Variants in NCAM2 observed in about 807,000 individuals in gnomAD.
The protein encoded by NCAM2 is neural cell adhesion molecule 2, also known as N-CAM-2.
A neutral mutation model predicts 98.1 loss-of-function variants in NCAM2; 30 were observed. That is an observed-to-expected ratio of 0.31 (90% confidence interval 0.23 to 0.41). NCAM2 has a LOEUF of 0.41. NCAM2 is among the 10% of genes least tolerant of loss of function. NCAM2 has a pLI of 1.00. For synonymous variants in NCAM2, 368 were observed against 342.4 expected, an observed-to-expected ratio of 1.07 and a Z score of -0.83; for missense variants, 867 against 1,005.8, an observed-to-expected ratio of 0.86 and a Z score of 1.87.
At chr21:21,147,323 G>C (rs1308723383) in intron 1 of NCAM2, 2 of 971,764 alleles carry the variant, frequency 2.1e-6, no homozygotes, top group Admixed American at 6.2e-5. Flanking sequence ...TTTATTTGTT[G>C]AATGTTGAAA....
chr21:21,353,421 A>T (rs1344455793), intron 8 of NCAM2, among the ~76,000 whole-genome samples: 1 of 152,152 alleles, frequency 6.6e-6, no homozygotes, highest in Non-Finnish European at 1.5e-5. Context: ...GTGACTGTAT[A>T]TCTTATTCCT....
intron 1 of NCAM2, among the ~76,000 whole-genome samples, chr21:21,213,767 T>C (rs1256497415): frequency 6.6e-6 from 1 of 152,116 alleles, no homozygotes; most frequent in African/African-American, 2.4e-5. Flanking sequence ...AAATAACAAA[T>C]TATACTCCAA....
rs926892787 is a variant in NCAM2 at position 21,175,321 on chromosome 21, A to G, written c.56-105257A>G. On this transcript the variant is annotated intron_variant, in intron 1 of 17. Transcript: ENST00000400546. The stretch of plus-strand genomic sequence containing the variant: ...AGGCCGAGCCAGGAAGATCATGAGG[A>G]CAAGAGATCGAGACCATCCTGGCCA... Among the ~76,000 whole-genome samples, 11 of 151,906 alleles carry G rather than the reference A, an allele frequency of 7.2e-5. No homozygotes were observed. The East Asian group carries it at 2.1e-3, about 30-fold the overall frequency.
chr21:21,055,171 A>C (rs1364059679), intron 1 of NCAM2, among the ~76,000 whole-genome samples: 2 of 152,000 alleles, frequency 1.3e-5, no homozygotes, highest in African/African-American at 2.4e-5. Flanking sequence ...AGGTGATTAA[A>C]ACCAAGAAGC....
chr21:21,133,781 G>A (rs2826676), intron 1 of NCAM2, among the ~76,000 whole-genome samples: 64,304 of 151,902 alleles, frequency 0.42, 14,231 homozygotes, highest in African/African-American at 0.56. Flanking sequence ...AATTAAAAAG[G>A]TATTAACTTA....
At chr21:21,500,024 T>A (rs1987525410) in intron 15 of NCAM2, among the ~76,000 whole-genome samples, 1 of 152,108 alleles carries the variant, frequency 6.6e-6, no homozygotes, top group Admixed American at 6.6e-5. Flanking sequence ...ACTACCTGTT[T>A]ATAATTTAAA....
intron 17 of NCAM2, among the ~76,000 whole-genome samples, chr21:21,535,982 T>C (rs1989961443): frequency 6.6e-6 from 1 of 152,176 alleles, no homozygotes; most frequent in South Asian, 2.1e-4. Flanking sequence ...GATATATTAT[T>C]ATGCTAACTT....
At chr21:21,368,211 A>G (rs901577075) in intron 8 of NCAM2, among the ~76,000 whole-genome samples, 3 of 151,986 alleles carry the variant, frequency 2.0e-5, no homozygotes, top group Non-Finnish European at 4.4e-5. Flanking sequence ...AGAGGTAACA[A>G]TCTACTAATG....
intron 11 of NCAM2, among the ~76,000 whole-genome samples, chr21:21,419,073 A>G (rs1343068028): frequency 1.3e-5 from 2 of 152,146 alleles, no homozygotes; most frequent in African/African-American, 4.8e-5. Flanking sequence ...ATGAACTTCC[A>G]AAAAGTGGGT....
chr21:21,367,919 T>A (rs2075825957), intron 8 of NCAM2, among the ~76,000 whole-genome samples: 1 of 151,926 alleles, frequency 6.6e-6, no homozygotes, highest in Non-Finnish European at 1.5e-5. Flanking sequence ...GTAGGTAGGA[T>A]GCCTGTGCAA....
At chr21:21,469,006 A>AT (rs1291883986) in intron 14 of NCAM2, among the ~76,000 whole-genome samples, 2 of 151,872 alleles carry the variant, frequency 1.3e-5, no homozygotes, top group African/African-American at 4.8e-5. Flanking sequence ...TCATCTTATG[A>AT]TTTTTAGGTG....
intron 1 of NCAM2, among the ~76,000 whole-genome samples, chr21:21,222,976 G>C (rs555116589): frequency 6.6e-6 from 1 of 152,114 alleles, no homozygotes; most frequent in East Asian, 1.9e-4. Context: ...ACCACTCTCT[G>C]ATCAGTCTGC....
intron 1 of NCAM2, among the ~76,000 whole-genome samples, chr21:21,135,115 G>A (rs1011253322): frequency 2.6e-5 from 4 of 151,554 alleles, no homozygotes; most frequent in African/African-American, 4.9e-5. Flanking sequence ...GCGTGGTGCC[G>A]GGCACCTGTA....
chr21:21,338,318 C>A, intron 7 of NCAM2, 71 bp from the exon 8 acceptor site: 1 of 1,378,600 alleles, frequency 7.3e-7, no homozygotes, highest in South Asian at 1.2e-5. Context: ...CTTAAACACC[C>A]ATCATGACTT....
chr21:21,147,875 TTCTC>T (rs1406516189), intron 1 of NCAM2, among the ~76,000 whole-genome samples: 2 of 151,186 alleles, frequency 1.3e-5, no homozygotes, highest in Admixed American at 1.3e-4. Context: ...TAATTTTTCA[TTCTC>T]TATATAATAT....
chr21:21,111,942 ATTAATGT>A (rs972327548), intron 1 of NCAM2, among the ~76,000 whole-genome samples: 2 of 152,184 alleles, frequency 1.3e-5, no homozygotes, highest in African/African-American at 4.8e-5. Context: ...GGCATAGTAG[ATTAATGT>A]TTATTGTGTA....
intron 1 of NCAM2, among the ~76,000 whole-genome samples, chr21:21,086,451 A>C (rs1315074092): frequency 6.6e-6 from 1 of 152,206 alleles, no homozygotes; most frequent in African/African-American, 2.4e-5. Flanking sequence ...TATGATTGGC[A>C]GAATCACATG....
chr21:21,381,780 A>G (rs955268262), intron 9 of NCAM2, among the ~76,000 whole-genome samples: 2 of 152,130 alleles, frequency 1.3e-5, no homozygotes, highest in African/African-American at 4.8e-5. Flanking sequence ...AAAATATTTT[A>G]TATGTATTCA....
intron 1 of NCAM2, among the ~76,000 whole-genome samples, chr21:21,042,539 A>G (rs1034964112): frequency 2.0e-5 from 3 of 152,114 alleles, no homozygotes; most frequent in Non-Finnish European, 4.4e-5. Flanking sequence ...CTGAATTTAG[A>G]GGTAAATATT....
Sources: gnomAD v4.1 joint callset for allele counts (sites outside exome capture counted in the v4.1 genomes callset) on GRCh38, gnomAD v4.1.1 for gene constraint, MANE v1.5 for transcripts, NCBI Gene and HGNC (gene_info 2026-07-23, HGNC 2026-07-21) for gene names.